Variants in SLC27A4 observed in about 807,000 individuals in gnomAD.
SLC27A4 encodes the protein long-chain fatty acid transport protein 4.
In SLC27A4, 33 loss-of-function variants were observed where a neutral mutation model predicts 64.4. The ratio of observed to expected loss-of-function variants is 0.51; its 90% CI spans 0.39 to 0.68. The LOEUF (loss-of-function observed/expected upper bound fraction) is 0.68. Among genes scored for constraint, SLC27A4 ranks in the 30% least tolerant of loss-of-function variants. The pLI is 0.00. For synonymous variants in SLC27A4, 377 were observed against 370.0 expected, an observed-to-expected ratio of 1.02 and a Z score of -0.22; for missense variants, 824 against 883.5, an observed-to-expected ratio of 0.93 and a Z score of 0.85.
At position 128,348,809 on chromosome 9, in the gene SLC27A4, G is replaced by A. The variant is rs374800526; in HGVS notation, c.715+106G>A. 7 of 1,179,934 alleles carry A rather than the reference G, an allele frequency of 5.9e-6. No homozygotes were observed. In the African/African-American group the frequency reaches 9.1e-5, roughly 15 times the overall value. The allele number at this position is 1,179,934 out of a possible 1,614,324, so 73.1% of individuals were successfully genotyped here. ...TTTCTGGAAACTTGCCATGTGCCTG[G>A]AACATGTCACGTCACCTCCCTTTTT... On this transcript the variant is annotated intron_variant, in intron 4 of 12. Coordinates refer to ENST00000300456, the MANE Select transcript of SLC27A4 (RefSeq NM_005094.4).
intron 4 of SLC27A4, 111 bp from the exon 5 acceptor site, chr9:128,350,201 G>T: frequency 1.2e-6 from 1 of 819,548 alleles, no homozygotes. Flanking sequence ...TCCTAGCAAG[G>T]GTGTGATGGG....
chr9:128,355,202 G>A lies in SLC27A4; in HGVS notation c.1462+12G>A. 1 of 1,612,434 alleles carries A rather than the reference G, an allele frequency of 6.2e-7. No individual in the cohort carries two copies. Among genetic ancestry groups the A allele is most frequent in the Non-Finnish European group, 8.5e-7 (1 of 1,179,044 alleles). On this transcript the variant is annotated intron_variant, in intron 10 of 12. Transcript: ENST00000300456. ...GGCCTACCTTACTGGTGGGTCCCCA[G>A]CCCTTCACAGCCCCTTCCTGAGGGT... is the stretch of plus-strand genomic sequence containing the variant.
At chr9:128,352,857 C>G (rs1271441310) in intron 7 of SLC27A4, 110 bp downstream of exon 7, 8 of 1,092,002 alleles carry the variant, frequency 7.3e-6, no homozygotes, top group Non-Finnish European at 8.3e-6. Flanking sequence ...TTCCAAAGGG[C>G]TCATTTGTGG....
In SLC27A4 at chr9:128,360,364, G is replaced by T; in HGVS notation, c.1805G>T (p.Arg602Leu). 6.2e-7 allele frequency: 1 copy of T among 1,614,150 alleles called. No homozygotes were observed. Among genetic ancestry groups the T allele is most frequent in the Non-Finnish European group, 8.5e-7 (1 of 1,180,032 alleles). ...GTYKFQKTEL[R>L]KEGFDPAIVK... The stretch of plus-strand genomic sequence containing the variant: ...TACAAGTTCCAGAAGACAGAGCTAC[G>T]GAAGGAGGGCTTTGACCCGGCTATT... The change falls in exon 13 of 13, where the codon CGG becomes CTG. Residue 602 changes from arginine (R) to leucine (L), a missense_variant. Coordinates refer to ENST00000300456, the MANE Select transcript of SLC27A4 (RefSeq NM_005094.4).
intron 1 of SLC27A4, chr9:128,342,872 G>C: frequency 1.8e-6 from 1 of 570,588 alleles, no homozygotes; most frequent in East Asian, 3.1e-5. Flanking sequence ...GGTGGGCAGA[G>C]ATGGGACTAT....
intron 3 of SLC27A4, among the ~76,000 whole-genome samples, chr9:128,346,760 T>C (rs967566613): frequency 6.6e-6 from 1 of 150,966 alleles, no homozygotes; most frequent in Non-Finnish European, 1.5e-5. Context: ...CCCAGCACTT[T>C]AGGAGGTCGA....
intron 6 of SLC27A4, among the ~76,000 whole-genome samples, chr9:128,350,890 G>A (rs1423251793): frequency 2.0e-5 from 3 of 152,202 alleles, no homozygotes; most frequent in Admixed American, 6.5e-5. Context: ...CCAGGAGTTC[G>A]AGACCATCCT....
intron 3 of SLC27A4, 138 bp from the exon 4 acceptor site, chr9:128,348,407 T>TG: frequency 1.9e-6 from 2 of 1,032,038 alleles, no homozygotes; most frequent in Non-Finnish European, 3.0e-6. Context: ...CTGTCAACAC[T>TG]GAAGGCCCAG....
chr9:128,359,942 C>T (rs1013319955), intron 12 of SLC27A4, among the ~76,000 whole-genome samples: 24 of 152,166 alleles, frequency 1.6e-4, no homozygotes, highest in Non-Finnish European at 1.5e-5. Context: ...GAGCACCTGC[C>T]TTATGGGGCT....
Position 128,353,112 on chromosome 9 carries a change from C to G in SLC27A4, c.1075C>G (p.Leu359Val). Residue 359 changes from leucine to valine, a missense_variant, in exon 8 of 13, where the codon CTA becomes GTA. Leu to Val is a conservative substitution (Grantham distance 32). Coordinates refer to ENST00000300456, the MANE Select transcript of SLC27A4 (RefSeq NM_005094.4). The surrounding 1 kb of genome is among the most constrained non-coding windows in gnomAD (Gnocchi z 4.9). The part of the protein sequence containing the change: ...AENQHQVRMA[L>V]GNGLRQSIWT... ...AAACCAGCACCAGGTTCGCATGGCA[C>G]TAGGCAATGGCCTCCGGCAGTCCAT... is the stretch of plus-strand genomic sequence containing the variant. 1.9e-6 allele frequency: 3 copies of G among 1,614,202 alleles called. No homozygotes were observed. Among genetic ancestry groups the G allele is most frequent in the Non-Finnish European group, 2.5e-6 (3 of 1,180,030 alleles).
In SLC27A4 at chr9:128,352,630, G is replaced by A. The variant is rs759827429; in HGVS notation, c.878-8G>A. ...GCTGACCCTCAGGGGCCATCCCTCT[G>A]CCTCCAGGAAACATCGTGGGAATCG... is the stretch of plus-strand genomic sequence containing the variant. On this transcript the variant is annotated splice_region_variant and splice_polypyrimidine_tract_variant and intron_variant, in intron 6 of 12. Coordinates refer to ENST00000300456, the MANE Select transcript of SLC27A4 (RefSeq NM_005094.4). The A allele has an allele frequency of 6.2e-7, 1 of 1,611,444 alleles. No individual in the cohort carries two copies. The highest frequency in any genetic ancestry group is 1.7e-5 in the Admixed American group (1 of 60,010).
intron 12 of SLC27A4, 137 bp downstream of exon 12, chr9:128,355,933 G>A: frequency 8.9e-7 from 1 of 1,128,842 alleles, no homozygotes; most frequent in Non-Finnish European, 1.3e-6. Context: ...CTGTGTAGAG[G>A]TGAGCAGACG....
intron 1 of SLC27A4, 68 bp from the exon 2 acceptor site, chr9:128,343,059 T>G: frequency 2.5e-6 from 4 of 1,589,658 alleles, no homozygotes; most frequent in African/African-American, 1.3e-5. Context: ...GGCCTGGCTG[T>G]CTGGGCTGGG....
chr9:128,355,666 C>G lies in SLC27A4; in HGVS notation c.1644C>G (p.Ala548=), dbSNP rs745315171. ...GVEVPGTEGR[A]GMAAVASPTG... ...CACCCCCAGGAACCGAGGGCCGGGC[C>G]GGAATGGCTGCTGTGGCCAGCCCCA... is the stretch of plus-strand genomic sequence containing the variant. The change falls in exon 12 of 13, where the codon GCC becomes GCG. Residue 548 remains alanine (A), a synonymous_variant. Coordinates refer to ENST00000300456, the MANE Select transcript of SLC27A4 (RefSeq NM_005094.4). 2 of 1,611,620 alleles carry G rather than the reference C, an allele frequency of 1.2e-6. No homozygotes were observed. Among genetic ancestry groups the G allele is most frequent in the Non-Finnish European group, 1.7e-6 (2 of 1,180,018 alleles).
At position 128,345,786 on chromosome 9, in the gene SLC27A4, G is replaced by T. The variant is rs1326673991; in HGVS notation, c.556+237G>T. On this transcript the variant is annotated intron_variant, in intron 3 of 12. Coordinates refer to ENST00000300456, the MANE Select transcript of SLC27A4 (RefSeq NM_005094.4). The surrounding 1 kb of genome is among the most constrained non-coding windows in gnomAD (Gnocchi z 4.1). Reference sequence around the variant, plus strand: ...ATACTGTTTTCAAAAAGGTACTTCAGACTGGGCATAGTGGCTCACAGCTGT... The same window carrying T: ...ATACTGTTTTCAAAAAGGTACTTCATACTGGGCATAGTGGCTCACAGCTGT... Among the ~76,000 whole-genome samples, 1 of 152,214 alleles carries T rather than the reference G, an allele frequency of 6.6e-6. No individual in the cohort carries two copies. Among genetic ancestry groups the T allele is most frequent in the Non-Finnish European group, 1.5e-5 (1 of 68,044 alleles).
intron 12 of SLC27A4, among the ~76,000 whole-genome samples, chr9:128,357,423 G>C (rs1832837012): frequency 6.6e-6 from 1 of 152,090 alleles, no homozygotes; most frequent in Non-Finnish European, 1.5e-5. Context: ...CTGGGCGACA[G>C]AGTGAGACTC....
At position 128,345,604 on chromosome 9, in the gene SLC27A4, C is replaced by T; in HGVS notation, c.556+55C>T. ...GGAACCCCATGGGATCTTACACAGA[C>T]CACAGCTCCCTTCCAGCCCTGCCAA... On this transcript the variant is annotated intron_variant, in intron 3 of 12. Transcript: ENST00000300456. This position sits in a 1 kb window ranked among gnomAD's most constrained non-coding sequence, Gnocchi z 4.1. 2 of 1,519,798 alleles carry T rather than the reference C, an allele frequency of 1.3e-6. No individual in the cohort carries two copies. Among genetic ancestry groups the T allele is most frequent in the Non-Finnish European group, 1.8e-6 (2 of 1,137,224 alleles). The allele number at this position is 1,519,798 out of a possible 1,614,324, so 94.1% of individuals were successfully genotyped here.
In SLC27A4 at chr9:128,350,358, G is replaced by T; in HGVS notation, c.762G>T (p.Lys254Asn). The T allele has an allele frequency of 6.2e-7, 1 of 1,613,440 alleles. No homozygotes were observed. The highest frequency in any genetic ancestry group is 1.1e-5 in the South Asian group (1 of 91,084). ...CATCCGGCACCACAGGGCTGCCCAA[G>T]GCCGCCATCGTGGTGCACAGCAGGT... ...IYTSGTTGLP[K>N]AAIVVHSRYY... The change falls in exon 5 of 13, where the codon AAG becomes AAT. Residue 254 changes from lysine to asparagine, a missense_variant. Transcript: ENST00000300456.
chr9:128,360,130 A>G (rs1244353465), intron 12 of SLC27A4, among the ~76,000 whole-genome samples: 1 of 152,160 alleles, frequency 6.6e-6, no homozygotes, highest in African/African-American at 2.4e-5. Context: ...TGGGTGGGTA[A>G]CTAGCAGCTG....
Sources: allele counts gnomAD v4.1 joint callset (sites outside exome capture counted in the v4.1 genomes callset), GRCh38; gene constraint gnomAD v4.1.1; non-coding constraint Gnocchi (gnomAD v3.1); transcripts MANE v1.5; gene names NCBI Gene and HGNC (gene_info 2026-07-23, HGNC 2026-07-21).